Variants in CHD9 observed in about 807,000 individuals in gnomAD.
CHD9 encodes the protein ATP-dependent chromatin remodeler CHD9.
In CHD9, 77 loss-of-function variants were observed where a neutral mutation model predicts 316.1. The ratio of observed to expected loss-of-function variants is 0.24; its 90% CI spans 0.20 to 0.29. The LOEUF is 0.29. Ranked by LOEUF, CHD9 falls within the 10% of genes least tolerant of loss-of-function variation. CHD9 has a pLI of 1.00. For missense variants in CHD9, 2,763 were observed against 3,438.1 expected (o/e 0.80, Z 4.91); for synonymous variants, 1,129 against 1,158.3 (o/e 0.97, Z 0.51).
chr16:53,109,677 C>CTTT (rs1166073629), intron 1 of CHD9, among the ~76,000 whole-genome samples: 1,130 of 71,532 alleles, frequency 0.016, 88 homozygotes, highest in African/African-American at 0.06. Context: ...TTCCCAGTTT[C>CTTT]TTTTTTTTTT....
At position 53,324,722 on chromosome 16, in the gene CHD9, G is replaced by C. The variant is rs1386744080; in HGVS notation, c.8521G>C (p.Glu2841Gln). The change falls in exon 39 of 39, where the codon GAA becomes CAA. Residue 2841 changes from glutamate to glutamine, a missense_variant. Glu to Gln is a conservative substitution (Grantham distance 29). Around this residue, in one of 15 missense-constraint regions of CHD9, gnomAD observed 298 missense variants for 380.2 expected, o/e 0.78. Coordinates refer to ENST00000447540, the MANE Select transcript of CHD9 (RefSeq NM_001308319.2). ...NSDLGSSKSV[E>Q]VKEEDSRIKD... is the part of the protein sequence containing the mutation. The stretch of plus-strand genomic sequence containing the variant: ...TGACTTAGGCTCGTCTAAGTCTGTA[G>C]AAGTAAAAGAAGAAGATTCCAGAAT... 9.3e-6 allele frequency: 15 copies of C among 1,613,156 alleles called. No individual in the cohort carries two copies. The highest frequency in any genetic ancestry group is 1.3e-5 in the Non-Finnish European group (15 of 1,179,610).
intron 8 of CHD9, 56 bp from the exon 9 acceptor site, chr16:53,231,359 CCTTA>C (rs1365273076): frequency 6.4e-6 from 6 of 938,070 alleles, no homozygotes; most frequent in South Asian, 4.5e-5. Flanking sequence ...GTAAATTCGT[CCTTA>C]CTTTTATCAT....
chr16:53,242,294 C>T (rs1037120199), intron 12 of CHD9, among the ~76,000 whole-genome samples: 5 of 152,298 alleles, frequency 3.3e-5, no homozygotes, highest in Middle Eastern at 3.4e-3. Flanking sequence ...TTCTTAATAA[C>T]TATGTCCTGC....
intron 1 of CHD9, among the ~76,000 whole-genome samples, chr16:53,148,956 G>A (rs1457549433): frequency 1.3e-5 from 2 of 152,138 alleles, no homozygotes; most frequent in South Asian, 4.1e-4. Context: ...GATAAGTTTT[G>A]CTATATTGCG....
intron 15 of CHD9, among the ~76,000 whole-genome samples, chr16:53,246,201 A>G (rs990398579): frequency 6.6e-6 from 1 of 152,170 alleles, no homozygotes; most frequent in Non-Finnish European, 1.5e-5. Context: ...TAGTGTTTCA[A>G]TTCTTGTGCT....
chr16:53,097,945 C>T lies in CHD9; in HGVS notation c.-165+42868C>T, dbSNP rs150736479. Among the ~76,000 whole-genome samples, 846 of 151,658 alleles carry T rather than the reference C, an allele frequency of 5.6e-3. 5 individuals are homozygous for T. The highest frequency in any genetic ancestry group is 0.02 in the African/African-American group (815 of 41,312). ...GCCCAGCCTGGCCAAAATGGTGAAA[C>T]CCTGTCTCTACTAAAAATACAAAAA... On this transcript the variant is annotated intron_variant, in intron 1 of 38. Transcript: ENST00000447540.
chr16:53,184,653 G>A (rs1293633849), intron 2 of CHD9, among the ~76,000 whole-genome samples: 1 of 152,136 alleles, frequency 6.6e-6, no homozygotes, highest in Non-Finnish European at 1.5e-5. Flanking sequence ...GTGTTTAAAA[G>A]ATAGTTAGAT....
At chr16:53,191,655 A>G (rs1317978711) in intron 2 of CHD9, among the ~76,000 whole-genome samples, 4 of 152,174 alleles carry the variant, frequency 2.6e-5, no homozygotes, top group African/African-American at 9.6e-5. Context: ...ATACACCACA[A>G]TTTACTCATA....
At chr16:53,101,782 T>A (rs2036907573) in intron 1 of CHD9, among the ~76,000 whole-genome samples, 1 of 152,210 alleles carries the variant, frequency 6.6e-6, no homozygotes, top group African/African-American at 2.4e-5. Context: ...ATACTTGGAT[T>A]TGAGCCTTTA....
At chr16:53,139,758 C>T (rs1402235385) in intron 1 of CHD9, among the ~76,000 whole-genome samples, 1 of 152,140 alleles carries the variant, frequency 6.6e-6, no homozygotes, top group Non-Finnish European at 1.5e-5. Flanking sequence ...ATGGTAATGA[C>T]AATCAACCTG....
chr16:53,126,065 G>C (rs1461118915), intron 1 of CHD9, among the ~76,000 whole-genome samples: 1 of 152,134 alleles, frequency 6.6e-6, no homozygotes, highest in African/African-American at 2.4e-5. Context: ...ATGAAGTCTA[G>C]TTTATATTTT....
chr16:53,295,269 G>A (rs1330846086), intron 29 of CHD9, among the ~76,000 whole-genome samples: 1 of 152,126 alleles, frequency 6.6e-6, no homozygotes, highest in African/African-American at 2.4e-5. Context: ...TGGCACTACA[G>A]GTGTGCATCA....
chr16:53,156,831 C>G lies in CHD9; in HGVS notation c.742C>G (p.Gln248Glu). The G allele has an allele frequency of 6.2e-7, 1 of 1,613,772 alleles. No individual in the cohort carries two copies. Among genetic ancestry groups the G allele is most frequent in the South Asian group, 1.1e-5 (1 of 91,060 alleles). ...SAHFHKCSSH[Q>E]EGNFNGPSPN... ...ACACTTCCACAAGTGTAGCAGTCAT[C>G]AAGAAGGAAATTTTAATGGACCTTC... Residue 248 changes from glutamine (Q) to glutamate (E), a missense_variant, in exon 2 of 39, where the codon CAA becomes GAA. This residue lies in a region of CHD9 where 859 missense variants were observed against 890.4 expected (regional missense o/e 0.96). Coordinates refer to ENST00000447540, the MANE Select transcript of CHD9 (RefSeq NM_001308319.2).
chr16:53,304,691 T>TCC, intron 31 of CHD9, 66 bp downstream of exon 31: 2 of 922,200 alleles, frequency 2.2e-6, no homozygotes, highest in Non-Finnish European at 2.9e-6. Flanking sequence ...TTCTTTTCTT[T>TCC]TCTTTTTTTT....
chr16:53,271,298 G>A (rs549804100), intron 22 of CHD9, among the ~76,000 whole-genome samples: 1 of 152,250 alleles, frequency 6.6e-6, no homozygotes, highest in East Asian at 1.9e-4. Context: ...GCTGGGCACG[G>A]TGGCTCACCC....
chr16:53,241,495 A>G (rs551782278), intron 12 of CHD9, among the ~76,000 whole-genome samples: 9 of 152,370 alleles, frequency 5.9e-5, no homozygotes, highest in Non-Finnish European at 1.2e-4. Flanking sequence ...TTCCAGAGTC[A>G]TATCCAAATG....
In CHD9 at chr16:53,235,234, A is replaced by G; in HGVS notation, c.2561A>G (p.Tyr854Cys). The change falls in exon 11 of 39, where the codon TAT (tyrosine) becomes TGT (cysteine). Residue 854 changes from tyrosine (Y) to cysteine (C), a missense_variant. Tyr to Cys is a radical substitution (Grantham distance 194). Transcript: ENST00000447540. Reference sequence around the variant, plus strand: ...AAGAAAATAGATCAATCCAGGGACTATAAAAATGGCAATCAACTCAGGGAA... The same window carrying G: ...AAGAAAATAGATCAATCCAGGGACTGTAAAAATGGCAATCAACTCAGGGAA... ...IWKKIDQSRDYKNGNQLREYQ... is the reference protein window; with the variant it reads ...IWKKIDQSRDCKNGNQLREYQ... 1.9e-6 allele frequency: 3 copies of G among 1,551,288 alleles called. No individual in the cohort carries two copies. Among genetic ancestry groups the G allele is most frequent in the East Asian group, 2.4e-5 (1 of 41,422 alleles).
Position 53,287,996 on chromosome 16 carries a change from C to G in CHD9, c.5229C>G (p.Ile1743Met). The change falls in exon 27 of 39, where the codon ATC becomes ATG. Residue 1743 changes from isoleucine (I) to methionine (M), a missense_variant. Ile to Met is a conservative substitution (Grantham distance 10). This residue lies in a region of CHD9 where 183 missense variants were observed against 258.5 expected (regional missense o/e 0.71). Transcript: ENST00000447540. ...EDPEYKPAPA[I>M]FKDDIEDDVS... ...CAGAATACAAACCTGCCCCAGCCAT[C>G]TTTAAAGATGATATAGAGGTATGCA... 2 of 1,610,798 alleles carry G rather than the reference C, an allele frequency of 1.2e-6. No individual in the cohort carries two copies. The highest frequency in any genetic ancestry group is 1.7e-6 in the Non-Finnish European group (2 of 1,176,958).
chr16:53,268,632 C>G (rs2051924062), intron 22 of CHD9, among the ~76,000 whole-genome samples: 1 of 152,048 alleles, frequency 6.6e-6, no homozygotes, highest in Admixed American at 6.6e-5. Flanking sequence ...AAAATGTGGT[C>G]TCTGGGTCAG....
Sources: allele counts gnomAD v4.1 joint callset (sites outside exome capture counted in the v4.1 genomes callset), GRCh38; gene constraint gnomAD v4.1.1; regional missense constraint gnomAD v4.1.1; transcripts MANE v1.5; gene names NCBI Gene and HGNC (gene_info 2026-07-23, HGNC 2026-07-21).